LITAFD: variants seen among roughly 807,000 people sequenced by gnomAD.
LITAFD encodes the protein lITAF domain-containing protein.
At chr16:8,883,650 G>A (rs2061552022) in intron 2 of LITAFD, among the ~76,000 whole-genome samples, 1 of 152,192 alleles carries the variant, frequency 6.6e-6, no homozygotes, top group African/African-American at 2.4e-5. Flanking sequence ...CCCCCAGGTG[G>A]GGCCTGGGTT....
At chr16:8,884,295 A>C in intron 2 of LITAFD, 28 bp from the exon 3 acceptor site, 1 of 398,918 alleles carries the variant, frequency 2.5e-6, no homozygotes, top group South Asian at 1.3e-4. Flanking sequence ...GGGGGGTCCC[A>C]CCTGCTTCCC....
At chr16:8,883,995 G>T (rs1305793004) in intron 2 of LITAFD, among the ~76,000 whole-genome samples, 1 of 152,168 alleles carries the variant, frequency 6.6e-6, no homozygotes, top group Admixed American at 6.6e-5. Context: ...AACCCGGGAG[G>T]CGGAGGTTGC....
chr16:8,884,553 C>T (rs945666210), intron 3 of LITAFD, 88 bp downstream of exon 3: 6 of 397,898 alleles, frequency 1.5e-5, no homozygotes, highest in African/African-American at 4.1e-5. Flanking sequence ...GGGGAGCTTT[C>T]GGGGAAAATA....
At chr16:8,885,284 C>T (rs1265780328) in exon 4 of LITAFD, 2 of 399,060 alleles carry the variant, frequency 5.0e-6, no homozygotes, top group Non-Finnish European at 8.8e-6. Flanking sequence ...CTTCTACTAC[C>T]ACCGCCTGTG....
exon 4 of LITAFD, chr16:8,885,254 C>A: frequency 2.5e-6 from 1 of 399,038 alleles, no homozygotes; most frequent in Non-Finnish European, 4.4e-6. Flanking sequence ...GCACTCGTGT[C>A]CCGTGTGTCA....
chr16:8,883,339 G>A (rs1299940913), intron 2 of LITAFD, 53 bp downstream of exon 2: 2 of 152,394 alleles, frequency 1.3e-5, no homozygotes, highest in African/African-American at 4.8e-5. Flanking sequence ...CCCCTGCTCG[G>A]AGCTGCCCAG....
In LITAFD at chr16:8,885,171, C is replaced by T. The variant is rs1032683838; in HGVS notation, c.111-16C>T. 5 of 399,154 alleles carry T rather than the reference C, an allele frequency of 1.3e-5. No homozygotes were observed. The highest frequency in any genetic ancestry group is 2.1e-5 in the African/African-American group (1 of 48,618). The allele number at this position is 399,154 out of a possible 1,614,324, so 24.7% of individuals were successfully genotyped here. On this transcript the variant is annotated splice_polypyrimidine_tract_variant and intron_variant, in intron 3 of 3. Transcript: ENST00000636296. Reference sequence around the variant, plus strand: ...GGTGGCCCCGCTCACGCCCAGCCTCCGCTCCGGGGCTGCAGGTACGTCCTG... The same window carrying T: ...GGTGGCCCCGCTCACGCCCAGCCTCTGCTCCGGGGCTGCAGGTACGTCCTG...
At chr16:8,884,323 C>T (rs1437039454) in exon 3 of LITAFD, 1 of 399,072 alleles carries the variant, frequency 2.5e-6, no homozygotes, top group Non-Finnish European at 4.4e-6. Context: ...ACTCCCACAG[C>T]TGTATGCCGG....
At chr16:8,884,673 GGTGA>G (rs922842948) in intron 3 of LITAFD, among the ~76,000 whole-genome samples, 15 of 152,136 alleles carry the variant, frequency 9.9e-5, no homozygotes, top group Non-Finnish European at 1.3e-4. Flanking sequence ...GGAGTGGAGG[GGTGA>G]GTGATGCCTA....
intron 1 of LITAFD, 108 bp downstream of exon 1, chr16:8,882,618 G>T (rs1466443335): frequency 6.6e-6 from 1 of 152,494 alleles, no homozygotes; most frequent in Non-Finnish European, 1.5e-5. Context: ...TGCTGAGCTG[G>T]GGGCTGCCCT....
At chr16:8,882,445 G>A (rs944995485) in exon 1 of LITAFD, 1 of 152,480 alleles carries the variant, frequency 6.6e-6, no homozygotes, top group Non-Finnish European at 1.5e-5. Context: ...CTCAGAACAC[G>A]GTGCTGCCCA....
At chr16:8,883,546 A>G (rs896239726) in intron 2 of LITAFD, among the ~76,000 whole-genome samples, 1 of 151,908 alleles carries the variant, frequency 6.6e-6, no homozygotes, top group African/African-American at 2.4e-5. Context: ...GCCTGTATAC[A>G]GTAGGCACTC....
chr16:8,885,142 G>A (rs1412408061), intron 3 of LITAFD, 45 bp from the exon 4 acceptor site: 2 of 399,220 alleles, frequency 5.0e-6, no homozygotes, highest in Non-Finnish European at 8.8e-6. Context: ...AGCGTACAGT[G>A]AGAGGTGGCC....
intron 3 of LITAFD, 197 bp from the exon 4 acceptor site, chr16:8,884,990 T>TGAGGCAGGG (rs2061558960): frequency 2.5e-6 from 1 of 398,026 alleles, no homozygotes; most frequent in Non-Finnish European, 4.4e-6. Context: ...CTCAGGAGAC[T>TGAGGCAGGG]GAGGCAGGGG....
intron 1 of LITAFD, among the ~76,000 whole-genome samples, 186 bp from the exon 2 acceptor site, chr16:8,883,024 T>A (rs1031228198): frequency 4.6e-5 from 7 of 152,004 alleles, no homozygotes; most frequent in Non-Finnish European, 8.8e-5. Context: ...GTAGTTGAGA[T>A]GGGGTTTCAC....
At chr16:8,883,093 C>T (rs2061549067) in intron 1 of LITAFD, 117 bp from the exon 2 acceptor site, 1 of 152,228 alleles carries the variant, frequency 6.6e-6, no homozygotes, top group South Asian at 2.1e-4. Context: ...CCTTGGCCTC[C>T]CAAAGTGTTG....
intron 3 of LITAFD, among the ~76,000 whole-genome samples, chr16:8,884,851 G>A (rs1229775194): frequency 2.6e-5 from 4 of 152,150 alleles, no homozygotes; most frequent in Non-Finnish European, 4.4e-5. Flanking sequence ...TTGGGAGGCC[G>A]AGGTGGGTGC....
At chr16:8,883,693 T>G (rs1567197199) in intron 2 of LITAFD, among the ~76,000 whole-genome samples, 1 of 152,198 alleles carries the variant, frequency 6.6e-6, no homozygotes, top group East Asian at 1.9e-4. Flanking sequence ...CAAGGAATTC[T>G]CAGGCAGTCT....
At chr16:8,882,617 G>A (rs1408003609) in intron 1 of LITAFD, 107 bp downstream of exon 1, 1 of 152,484 alleles carries the variant, frequency 6.6e-6, no homozygotes, top group Non-Finnish European at 1.5e-5. Flanking sequence ...GTGCTGAGCT[G>A]GGGGCTGCCC....
Sources: allele counts gnomAD v4.1 joint callset (sites outside exome capture counted in the v4.1 genomes callset), GRCh38; gene constraint gnomAD v4.1.1; transcripts MANE v1.5; gene names NCBI Gene and HGNC (gene_info 2026-07-23, HGNC 2026-07-21).